The following ABI3BP variants were observed in gnomAD, a reference collection of about 807,000 sequenced individuals.
ABI3BP encodes the protein ABI family member 3 binding protein.
In ABI3BP, 216 loss-of-function variants were observed where a neutral mutation model predicts 268.6. That is an observed-to-expected ratio of 0.80 (90% CI 0.72 to 0.90). The LOEUF (loss-of-function observed/expected upper bound fraction) is 0.90, where lower values mean the gene tolerates loss of function less well. Among genes scored for constraint, ABI3BP ranks in the 40% least tolerant of loss-of-function variants. ABI3BP has a pLI of 0.00. For synonymous variants in ABI3BP, 730 were observed against 730.0 expected (o/e 1.00, Z 0.00); for missense variants, 2,090 against 2,182.4 (o/e 0.96, Z 0.84).
intron 1 of ABI3BP, among the ~76,000 whole-genome samples, chr3:100,963,214 A>C (rs1375451267): frequency 6.6e-6 from 1 of 152,188 alleles, no homozygotes. Context: ...CAATCGGCCC[A>C]AGATCACACC....
intron 54 of ABI3BP, among the ~76,000 whole-genome samples, chr3:100,793,350 T>G (rs570248919): frequency 4.6e-5 from 7 of 151,984 alleles, no homozygotes; most frequent in Non-Finnish European, 7.4e-5. Context: ...CAAATTACAC[T>G]GTTCACTTTG....
chr3:100,753,027 C>T, intron 65 of ABI3BP, 79 bp from the exon 66 acceptor site: 1 of 1,376,846 alleles, frequency 7.3e-7, no homozygotes, highest in Non-Finnish European at 9.8e-7. Flanking sequence ...CAAAATTTGT[C>T]AACTTGCTGA....
intron 63 of ABI3BP, among the ~76,000 whole-genome samples, chr3:100,761,729 C>G (rs2095961737): frequency 6.6e-6 from 1 of 152,162 alleles, no homozygotes. Flanking sequence ...CTCTATAGAT[C>G]TCTAATCCCT....
chr3:100,886,710 C>T (rs776201840), intron 4 of ABI3BP, among the ~76,000 whole-genome samples: 1 of 151,708 alleles, frequency 6.6e-6, no homozygotes, highest in Non-Finnish European at 1.5e-5. Flanking sequence ...ATGGTAGTTT[C>T]ATAGTTGTAT....
At chr3:100,807,388 G>A (rs1313723395) in intron 50 of ABI3BP, among the ~76,000 whole-genome samples, 4 of 151,326 alleles carry the variant, frequency 2.6e-5, no homozygotes, top group African/African-American at 9.7e-5. Context: ...TATTGCCTTG[G>A]TACCTTCATA....
intron 36 of ABI3BP, among the ~76,000 whole-genome samples, chr3:100,824,282 C>T (rs2098318423): frequency 6.6e-6 from 1 of 152,166 alleles, no homozygotes. Context: ...GCTGACCCAA[C>T]ACATGTGGTC....
intron 59 of ABI3BP, among the ~76,000 whole-genome samples, chr3:100,777,703 A>C (rs2096747093): frequency 1.3e-5 from 2 of 152,168 alleles, no homozygotes; most frequent in South Asian, 4.1e-4. Flanking sequence ...GGAAAGGGTC[A>C]TTCTATAGGG....
At chr3:100,792,584 G>A (rs989793) in intron 55 of ABI3BP, 107 bp downstream of exon 55, 472,800 of 1,134,092 alleles carry the variant, frequency 0.42, 101,428 homozygotes, top group African/African-American at 0.65. Context: ...GACAAAAAAA[G>A]TCAAGTAATC....
chr3:100,804,052 G>C (rs186959065), intron 51 of ABI3BP, among the ~76,000 whole-genome samples: 168 of 152,280 alleles, frequency 1.1e-3, no homozygotes, highest in Middle Eastern at 3.4e-3. Flanking sequence ...AAAGGAAAGA[G>C]AAAAAACTCA....
chr3:100,838,522 A>T, intron 24 of ABI3BP, 58 bp from the exon 25 acceptor site: 1 of 1,339,438 alleles, frequency 7.5e-7, no homozygotes, highest in Non-Finnish European at 1.0e-6. Flanking sequence ...TGTCAAAATT[A>T]AGGACAATTA....
chr3:100,846,257 T>C, intron 20 of ABI3BP, 115 bp downstream of exon 20: 1 of 758,748 alleles, frequency 1.3e-6, no homozygotes. Context: ...ACACTTTTCA[T>C]GGAAAAATGT....
chr3:100,849,180 T>C (rs74568250), intron 17 of ABI3BP, among the ~76,000 whole-genome samples: 2,278 of 151,680 alleles, frequency 0.015, 101 homozygotes, highest in East Asian at 0.13. Context: ...AAGGATGACA[T>C]TGAATAGCAG....
At chr3:100,754,361 T>C (rs1386820753) in intron 64 of ABI3BP, among the ~76,000 whole-genome samples, 1 of 152,196 alleles carries the variant, frequency 6.6e-6, no homozygotes, top group African/African-American at 2.4e-5. Flanking sequence ...CAGGAGAGGA[T>C]TCATTGACTA....
At chr3:100,857,848 A>T (rs1433248428) in intron 14 of ABI3BP, among the ~76,000 whole-genome samples, 1 of 152,238 alleles carries the variant, frequency 6.6e-6, no homozygotes, top group Non-Finnish European at 1.5e-5. Context: ...ATGGTATATA[A>T]TAGCCCCTTG....
intron 9 of ABI3BP, among the ~76,000 whole-genome samples, chr3:100,867,651 A>AAC (rs1258341255): frequency 0.011 from 1,603 of 150,848 alleles, 43 homozygotes; most frequent in African/African-American, 0.037. Flanking sequence ...AAAAAAAAAA[A>AAC]AAAAAAAAAA....
intron 12 of ABI3BP, 153 bp downstream of exon 12, chr3:100,863,849 A>T: frequency 1.7e-6 from 1 of 601,944 alleles, no homozygotes; most frequent in East Asian, 2.8e-5. Flanking sequence ...ACAATTTGTC[A>T]TAGGGAGAGC....
chr3:100,843,511 G>C, intron 20 of ABI3BP: 3 of 955,246 alleles, frequency 3.1e-6, no homozygotes, highest in Non-Finnish European at 3.7e-6. Flanking sequence ...AAGAGAGGGA[G>C]GGAGAGGATG....
intron 51 of ABI3BP, among the ~76,000 whole-genome samples, chr3:100,799,947 G>A (rs1212702902): frequency 6.6e-6 from 1 of 152,114 alleles, no homozygotes; most frequent in Non-Finnish European, 1.5e-5. Context: ...TGCAAGGCTA[G>A]CATGTACACA....
chr3:100,903,432 T>C (rs72928368), intron 2 of ABI3BP, among the ~76,000 whole-genome samples: 1,760 of 152,334 alleles, frequency 0.012, 33 homozygotes, highest in African/African-American at 0.039. Flanking sequence ...GTTACACATA[T>C]GTAAATAAAC....
Sources: allele counts gnomAD v4.1 joint callset (sites outside exome capture counted in the v4.1 genomes callset), GRCh38; gene constraint gnomAD v4.1.1; transcripts MANE v1.5; gene names NCBI Gene and HGNC (gene_info 2026-07-23, HGNC 2026-07-21).